BRAF: variants seen among roughly 807,000 people sequenced by gnomAD.
BRAF encodes the protein B-Raf proto-oncogene, serine/threonine kinase.
BRAF carries 16 observed loss-of-function variants against 104.6 expected under a neutral mutation model. That is an observed-to-expected ratio of 0.15 (90% CI 0.10 to 0.23). The LOEUF (loss-of-function observed/expected upper bound fraction) is 0.23, where lower values mean the gene tolerates loss of function less well. Ranked by LOEUF, BRAF falls within the 10% of genes least tolerant of loss-of-function variation. The probability of loss-of-function intolerance (pLI) is 1.00; values close to 1 mark genes in which losing one functional copy is unlikely to be tolerated. For synonymous variants in BRAF, 310 were observed against 341.6 expected (o/e 0.91, Z 1.02); for missense variants, 541 against 937.3 (o/e 0.58, Z 5.52).
At chr7:140,885,565 G>C (rs1330164289) in intron 1 of BRAF, among the ~76,000 whole-genome samples, 1 of 152,106 alleles carries the variant, frequency 6.6e-6, no homozygotes, top group Non-Finnish European at 1.5e-5. Flanking sequence ...TTAACATTTA[G>C]TTACATATTT....
At chr7:140,750,421 CA>C (rs926773402) in intron 16 of BRAF, among the ~76,000 whole-genome samples, 3 of 152,146 alleles carry the variant, frequency 2.0e-5, no homozygotes, top group African/African-American at 7.2e-5. Context: ...TTAAACCCCT[CA>C]ACGTCCAGAC....
At chr7:140,787,167 A>G (rs1268925217) in intron 9 of BRAF, among the ~76,000 whole-genome samples, 8 of 151,648 alleles carry the variant, frequency 5.3e-5, no homozygotes, top group African/African-American at 1.9e-4. Context: ...CGGGCGTGGT[A>G]GCAGGCGCCT....
chr7:140,723,790 C>T lies in BRAF; in HGVS notation c.*2704G>A, dbSNP rs778789933. 1.3e-4 allele frequency: 133 copies of T among 1,047,808 alleles called. No individual in the cohort carries two copies. The highest frequency in any genetic ancestry group is 9.9e-4 in the Admixed American group (18 of 18,110). The allele number at this position is 1,047,808 out of a possible 1,614,324, so 64.9% of individuals were successfully genotyped here. On this transcript the variant is annotated 3_prime_UTR_variant, in exon 20 of 20. Coordinates refer to ENST00000644969, the MANE Select transcript of BRAF (RefSeq NM_001374258.1). Reference sequence around the variant, plus strand: ...TACACCCTTACAAGATGATCAGTGACGCAGCCACATACTGTCTATACAATT... The same window carrying T: ...TACACCCTTACAAGATGATCAGTGATGCAGCCACATACTGTCTATACAATT...
intron 10 of BRAF, among the ~76,000 whole-genome samples, chr7:140,784,713 C>T (rs759162354): frequency 8.5e-4 from 128 of 150,588 alleles, no homozygotes; most frequent in Middle Eastern, 3.4e-3. Context: ...GGTGTGATCT[C>T]GGCTCACTGC....
At position 140,857,726 on chromosome 7, in the gene BRAF, A is replaced by T. The variant is rs74778088; in HGVS notation, c.139-7514T>A. On this transcript the variant is annotated intron_variant, in intron 1 of 19. Coordinates refer to ENST00000644969, the MANE Select transcript of BRAF (RefSeq NM_001374258.1). ...ATTATTCAAGAAGAGAGATCTAGGA[A>T]CATCTTGTGCCAGATATCAGAACAA... Among the ~76,000 whole-genome samples, 10 of 152,300 alleles carry T rather than the reference A, an allele frequency of 6.6e-5. No homozygotes were observed. In the East Asian group the frequency reaches 1.9e-3, roughly 29 times the overall value.
intron 1 of BRAF, among the ~76,000 whole-genome samples, chr7:140,882,024 T>C (rs1284438977): frequency 6.6e-6 from 1 of 151,992 alleles, no homozygotes; most frequent in African/African-American, 2.4e-5. Flanking sequence ...GCATGTGCTG[T>C]TGGAAAAATG....
intron 3 of BRAF, among the ~76,000 whole-genome samples, chr7:140,811,229 T>A (rs1328111755): frequency 6.6e-6 from 1 of 152,222 alleles, no homozygotes; most frequent in African/African-American, 2.4e-5. Context: ...GTGAAGGATC[T>A]GGGGTCTGAT....
chr7:140,917,044 G>A (rs1481984708), intron 1 of BRAF, among the ~76,000 whole-genome samples: 1 of 152,192 alleles, frequency 6.6e-6, no homozygotes, highest in Admixed American at 6.5e-5. Flanking sequence ...TTTGATAAAT[G>A]TGAAACAACT....
chr7:140,849,637 C>G (rs143987082), intron 2 of BRAF, among the ~76,000 whole-genome samples: 4,325 of 151,664 alleles, frequency 0.029, 210 homozygotes, highest in African/African-American at 0.097. Flanking sequence ...ATGGTGAAAC[C>G]CCATCTCTAC....
the BRAF span, among the ~76,000 whole-genome samples, chr7:140,713,625 GT>G: frequency 6.6e-6 from 1 of 152,246 alleles, no homozygotes; most frequent in South Asian, 2.1e-4. Context: ...GTCATTCTCC[GT>G]CCAGCTTTCT....
chr7:140,843,830 C>A (rs1808256475), intron 2 of BRAF, among the ~76,000 whole-genome samples: 1 of 151,882 alleles, frequency 6.6e-6, no homozygotes, highest in South Asian at 2.1e-4. Flanking sequence ...ACGGTGAAAC[C>A]CAGTCTCTAC....
Position 140,794,332 on chromosome 7 carries a change from G to A in BRAF, c.1116C>T (p.Asn372=). ...RSSSAPNVHI[N]TIEPVNIDDL... Reference sequence around the variant, plus strand: ...CATCAATATTGACAGGTTCTATTGTGTTTATATGCACATTGGGAGCTGATG... The same window carrying A: ...CATCAATATTGACAGGTTCTATTGTATTTATATGCACATTGGGAGCTGATG... The change falls in exon 8 of 20, where the codon AAC becomes AAT. Residue 372 remains asparagine, a synonymous_variant. Coordinates refer to ENST00000644969, the MANE Select transcript of BRAF (RefSeq NM_001374258.1). The A allele has an allele frequency of 1.9e-6, 3 of 1,613,924 alleles. No individual in the cohort carries two copies. Among genetic ancestry groups the A allele is most frequent in the South Asian group, 1.1e-5 (1 of 91,072 alleles).
At chr7:140,756,249 T>G (rs1272516808) in intron 14 of BRAF, among the ~76,000 whole-genome samples, 2 of 152,226 alleles carry the variant, frequency 1.3e-5, no homozygotes, top group Admixed American at 1.3e-4. Context: ...ACTTTATACC[T>G]GTGTAATCCT....
chr7:140,720,454 A>T lies in BRAF; in HGVS notation c.*6040T>A. 1 of 1,063,548 alleles carries T rather than the reference A, an allele frequency of 9.4e-7. No individual in the cohort carries two copies. The highest frequency in any genetic ancestry group is 1.1e-6 in the Non-Finnish European group (1 of 878,224). The allele number at this position is 1,063,548 out of a possible 1,614,324, so 65.9% of individuals were successfully genotyped here. ...GGCTAGCCACTTACGTTGGTCATTA[A>T]CATGAATAAAAAGGCATTATATGTT... On this transcript the variant is annotated 3_prime_UTR_variant, in exon 20 of 20. Coordinates refer to ENST00000644969, the MANE Select transcript of BRAF (RefSeq NM_001374258.1).
intron 1 of BRAF, among the ~76,000 whole-genome samples, chr7:140,880,945 G>A (rs1320078009): frequency 6.6e-6 from 1 of 152,128 alleles, no homozygotes; most frequent in Non-Finnish European, 1.5e-5. Flanking sequence ...GGGCAAGAAT[G>A]AGACCCTGTC....
chr7:140,763,185 C>A (rs1363461524), intron 14 of BRAF, among the ~76,000 whole-genome samples: 1 of 152,050 alleles, frequency 6.6e-6, no homozygotes, highest in Non-Finnish European at 1.5e-5. Flanking sequence ...TAGGGGCGGC[C>A]GGGGAGAGGC....
At chr7:140,923,258 G>C (rs1419345868) in intron 1 of BRAF, among the ~76,000 whole-genome samples, 1 of 152,050 alleles carries the variant, frequency 6.6e-6, no homozygotes, top group East Asian at 1.9e-4. Flanking sequence ...TTAATAGTAA[G>C]TAGCAAAGAG....
chr7:140,905,647 T>C (rs1277632107), intron 1 of BRAF, among the ~76,000 whole-genome samples: 1 of 152,208 alleles, frequency 6.6e-6, no homozygotes, highest in African/African-American at 2.4e-5. Context: ...TATGTTTAGA[T>C]TTAAATCTAC....
chr7:140,908,747 G>C (rs923209697), intron 1 of BRAF, among the ~76,000 whole-genome samples: 11 of 152,188 alleles, frequency 7.2e-5, no homozygotes, highest in African/African-American at 2.4e-4. Flanking sequence ...GAGTCACTGG[G>C]GTCCCATCTA....
Sources: gnomAD v4.1 joint callset for allele counts (sites outside exome capture counted in the v4.1 genomes callset) on GRCh38, gnomAD v4.1.1 for gene constraint, MANE v1.5 for transcripts, NCBI Gene and HGNC (gene_info 2026-07-23, HGNC 2026-07-21) for gene names.